The following ARFGEF3 variants were observed in gnomAD, a reference collection of about 807,000 sequenced individuals.
The protein encoded by ARFGEF3 is ARFGEF family member 3, also known as brefeldin A-inhibited guanine nucleotide-exchange protein 3.
Under a neutral mutation model 221.7 loss-of-function variants are expected in ARFGEF3, and 96 were observed. That is an observed-to-expected ratio of 0.43 (90% CI 0.37 to 0.51). The LOEUF (loss-of-function observed/expected upper bound fraction) is 0.51. ARFGEF3 is among the 20% of genes least tolerant of loss of function. ARFGEF3 has a pLI of 0.00. For synonymous variants in ARFGEF3, 1,145 were observed against 1,126.8 expected, an observed-to-expected ratio of 1.02 and a Z score of -0.32; for missense variants, 2,410 against 2,789.9, an observed-to-expected ratio of 0.86 and a Z score of 3.07.
chr6:138,264,868 C>G (rs1330978570), intron 12 of ARFGEF3, among the ~76,000 whole-genome samples: 1 of 151,024 alleles, frequency 6.6e-6, no homozygotes, highest in Non-Finnish European at 1.5e-5. Flanking sequence ...ACACTTAAAT[C>G]TCTGTATATA....
At chr6:138,316,579 A>G (rs1235902429) in intron 26 of ARFGEF3, among the ~76,000 whole-genome samples, 1 of 152,230 alleles carries the variant, frequency 6.6e-6, no homozygotes, top group Admixed American at 6.5e-5. Flanking sequence ...TCCATAGGTT[A>G]AGGCAAATCC....
intron 14 of ARFGEF3, among the ~76,000 whole-genome samples, chr6:138,284,693 G>T (rs1562379079): frequency 2.6e-5 from 4 of 152,254 alleles, no homozygotes; most frequent in Admixed American, 6.5e-5. Flanking sequence ...GGAGTCAGAA[G>T]ATATGAATAC....
intron 21 of ARFGEF3, 87 bp downstream of exon 21, chr6:138,297,042 G>A (rs1387950661): frequency 8.3e-6 from 12 of 1,443,326 alleles, no homozygotes; most frequent in Non-Finnish European, 1.1e-5. Context: ...CATGTATGGG[G>A]GCAAAGCACT....
chr6:138,238,764 T>C, intron 6 of ARFGEF3, 133 bp downstream of exon 6: 1 of 796,052 alleles, frequency 1.3e-6, no homozygotes, highest in Non-Finnish European at 2.0e-6. Flanking sequence ...TAACAGAACA[T>C]TTATTTGTAC....
chr6:138,335,099 G>A lies in ARFGEF3; in HGVS notation c.6253G>A (p.Glu2085Lys), dbSNP rs1374975952. 1 of 1,600,758 alleles carries A rather than the reference G, an allele frequency of 6.2e-7. No homozygotes were observed. The highest frequency in any genetic ancestry group is 8.5e-7 in the Non-Finnish European group (1 of 1,174,658). ...GCGGCATTCCTTCAGCGCAGGCCCC[G>A]AGCTGCTGCGACAGGACAAGAGGCC... is the stretch of plus-strand genomic sequence containing the variant. ...QMRHSFSAGPELLRQDKRPRS... is the reference protein window; with the variant it reads ...QMRHSFSAGPKLLRQDKRPRS... The change falls in exon 33 of 34, where the codon GAG becomes AAG. Residue 2085 changes from glutamate to lysine, a missense_variant. Glu to Lys is a moderately conservative substitution (Grantham distance 56, BLOSUM62 1). Transcript: ENST00000251691.
intron 29 of ARFGEF3, among the ~76,000 whole-genome samples, chr6:138,322,897 C>T (rs76752246): frequency 0.01 from 1,563 of 151,362 alleles, 25 homozygotes; most frequent in African/African-American, 0.035. Flanking sequence ...CATGGGAGGG[C>T]GGGTCACATG....
chr6:138,263,348 C>A lies in ARFGEF3; in HGVS notation c.1865C>A (p.Ser622Ter). The change falls in exon 12 of 34, where the codon TCG (serine) becomes TAG (stop). Residue 622 changes from serine (S) to a stop codon, truncating the protein, a stop_gained. Coordinates refer to ENST00000251691, the MANE Select transcript of ARFGEF3 (RefSeq NM_020340.5). LOFTEE classifies it high-confidence loss of function. ...DQYSMAAEKD[S>*]GRSDVSDIGS... ...TACTCTATGGCAGCAGAAAAGGACT[C>A]GGGCAGGTCCGACGTGTCAGACATT... 1 of 1,613,988 alleles carries A rather than the reference C, an allele frequency of 6.2e-7. No individual in the cohort carries two copies. Among genetic ancestry groups the A allele is most frequent in the Non-Finnish European group, 8.5e-7 (1 of 1,179,884 alleles).
rs139630138 is a variant in ARFGEF3 at position 138,286,899 on chromosome 6, G to A, written c.2768G>A (p.Arg923Gln). The A allele has an allele frequency of 5.1e-5, 82 of 1,613,066 alleles. No homozygotes were observed. Among genetic ancestry groups the A allele is most frequent in the Non-Finnish European group, 6.4e-5 (75 of 1,179,896 alleles). ...CTCGACGGGCTGCGGAAAGCCGCAC[G>A]GCTGAGCTGCGCTCTAGGTACCAGC... The part of the protein sequence containing the change: ...MSLDGLRKAA[R>Q]LSCALGVAAN... The change falls in exon 16 of 34, where the codon CGG (arginine) becomes CAG (glutamine). Residue 923 changes from arginine to glutamine, a missense_variant. Around this residue, in one of 5 missense-constraint regions of ARFGEF3, gnomAD observed 594 missense variants for 734.3 expected, o/e 0.81. Transcript: ENST00000251691.
At position 138,267,989 on chromosome 6, in the gene ARFGEF3, A is replaced by G. The variant is rs539896612; in HGVS notation, c.2128+4378A>G. ...TTCAGGAGTTGGACTCTCTTTCCAAATTACAGACCCATCACTCTGTGGTCC... is the reference window on the plus strand; with the variant it reads ...TTCAGGAGTTGGACTCTCTTTCCAAGTTACAGACCCATCACTCTGTGGTCC... On this transcript the variant is annotated intron_variant, in intron 12 of 33. Transcript: ENST00000251691. Among the ~76,000 whole-genome samples the G allele has an allele frequency of 5.9e-5, 9 of 152,332 alleles. 1 individual carries two copies. The South Asian group carries it at 1.9e-3, about 32-fold the overall frequency.
At chr6:138,297,052 T>G (rs769566866) in intron 21 of ARFGEF3, 97 bp downstream of exon 21, 141 of 1,380,002 alleles carry the variant, frequency 1.0e-4, no homozygotes, top group Non-Finnish European at 1.2e-4. Context: ...GGCAAAGCAC[T>G]GTGGCCATTG....
chr6:138,315,900 AG>A lies in ARFGEF3; in HGVS notation c.4346-1349del, dbSNP rs1779918075. Among the ~76,000 whole-genome samples, 3 of 152,280 alleles carry A rather than the reference AG, an allele frequency of 2.0e-5. No individual in the cohort carries two copies. In the East Asian group the frequency reaches 5.8e-4, roughly 29 times the overall value. Reference sequence around the variant, plus strand: ...CAGATTAGTTGTGAGGAATAATTACAGGAAAGAATATCTAATATAGAGAACA... The same window carrying A: ...CAGATTAGTTGTGAGGAATAATTACAGAAAGAATATCTAATATAGAGAACA... On this transcript the variant is annotated intron_variant, in intron 26 of 33. Transcript: ENST00000251691.
intron 12 of ARFGEF3, among the ~76,000 whole-genome samples, chr6:138,268,013 C>T (rs1314251392): frequency 1.3e-5 from 2 of 152,122 alleles, no homozygotes; most frequent in Non-Finnish European, 2.9e-5. Context: ...ACTCTGTGGT[C>T]CTGTTACCAA....
At chr6:138,289,388 T>C (rs1779357478) in intron 17 of ARFGEF3, among the ~76,000 whole-genome samples, 1 of 152,208 alleles carries the variant, frequency 6.6e-6, no homozygotes, top group Admixed American at 6.5e-5. Flanking sequence ...GAGATGATGA[T>C]CATAATGAGA....
rs746747786 is a variant in ARFGEF3, at chr6:138,263,262, G to A, written c.1779G>A (p.Glu593=). 1.2e-6 allele frequency: 2 copies of A among 1,614,030 alleles called. No homozygotes were observed. The highest frequency in any genetic ancestry group is 2.2e-5 in the South Asian group (2 of 91,076). Residue 593 remains glutamate (E), a synonymous_variant, in exon 12 of 34, where the codon GAG becomes GAA. Transcript: ENST00000251691. ...RTRSYGSRYS[E]SNFSVDDQDL... ...GGTCCTATGGATCTAGGTATAGTGA[G>A]AGCAATTTTAGCGTTGATGACCAAG... is the stretch of plus-strand genomic sequence containing the variant.
At chr6:138,165,435 C>T (rs865776602) in intron 1 of ARFGEF3, among the ~76,000 whole-genome samples, 4 of 151,454 alleles carry the variant, frequency 2.6e-5, no homozygotes, top group Non-Finnish European at 4.4e-5. Context: ...CTCACTTAGA[C>T]GCTCATGGGA....
At chr6:138,209,027 AAG>A (rs1238647591) in intron 3 of ARFGEF3, among the ~76,000 whole-genome samples, 2 of 152,138 alleles carry the variant, frequency 1.3e-5, no homozygotes, top group Non-Finnish European at 2.9e-5. Flanking sequence ...GAAAATGAGA[AAG>A]AGATAGAAAA....
intron 4 of ARFGEF3, among the ~76,000 whole-genome samples, chr6:138,223,579 A>T (rs1388261472): frequency 6.6e-6 from 1 of 152,216 alleles, no homozygotes; most frequent in Non-Finnish European, 1.5e-5. Flanking sequence ...GTGTTAATTA[A>T]GATAATTTTT....
chr6:138,333,784 G>A (rs543633295), intron 32 of ARFGEF3, among the ~76,000 whole-genome samples, 186 bp from the exon 33 acceptor site: 1 of 152,262 alleles, frequency 6.6e-6, no homozygotes, highest in South Asian at 2.1e-4. Context: ...TCCACTAGTT[G>A]TGATTAAAAT....
At chr6:138,298,891 G>T in intron 22 of ARFGEF3, 106 bp downstream of exon 22, 2 of 883,314 alleles carry the variant, frequency 2.3e-6, no homozygotes, top group Non-Finnish European at 3.4e-6. Context: ...AATCCTATGT[G>T]GAATCTGTAA....
Sources: allele counts gnomAD v4.1 joint callset (sites outside exome capture counted in the v4.1 genomes callset), GRCh38; gene constraint gnomAD v4.1.1; regional missense constraint gnomAD v4.1.1; transcripts MANE v1.5; gene names NCBI Gene and HGNC (gene_info 2026-07-23, HGNC 2026-07-21).